HS3ST3A1: variants seen among roughly 807,000 people sequenced by gnomAD.
The protein encoded by HS3ST3A1 is heparan sulfate-glucosamine 3-sulfotransferase 3A1.
In HS3ST3A1, 19 loss-of-function variants were observed where a neutral mutation model predicts 25.7. That is an observed-to-expected ratio of 0.74 (90% CI 0.52 to 1.08). The LOEUF is 1.08. HS3ST3A1 is among the 50% of genes least tolerant of loss of function. HS3ST3A1 has a pLI of 0.00. For missense variants in HS3ST3A1, 459 were observed against 594.3 expected, an observed-to-expected ratio of 0.77 and a Z score of 2.37; for synonymous variants, 226 against 278.6, an observed-to-expected ratio of 0.81 and a Z score of 1.88.
chr17:13,592,817 T>A (rs1343834465), intron 1 of HS3ST3A1, among the ~76,000 whole-genome samples: 1 of 152,160 alleles, frequency 6.6e-6, no homozygotes, highest in Admixed American at 6.5e-5. Flanking sequence ...AACATAACTG[T>A]GTATTTAAAA....
chr17:13,585,018 G>A lies in HS3ST3A1; in HGVS notation c.599+15513C>T, dbSNP rs572258575. Among the ~76,000 whole-genome samples the A allele has an allele frequency of 6.6e-5, 10 of 152,090 alleles. No homozygotes were observed. The South Asian group carries it at 2.1e-3, about 32-fold the overall frequency. ...ACTCACAAGGCAAATAATAAAACCTGTATTCATCCTTTCTGTAGTATTTGA... is the reference window on the plus strand; with the variant it reads ...ACTCACAAGGCAAATAATAAAACCTATATTCATCCTTTCTGTAGTATTTGA... On this transcript the variant is annotated intron_variant, in intron 1 of 1. Transcript: ENST00000284110.
At chr17:13,592,137 C>G (rs1908442719) in intron 1 of HS3ST3A1, among the ~76,000 whole-genome samples, 1 of 152,190 alleles carries the variant, frequency 6.6e-6, no homozygotes, top group Non-Finnish European at 1.5e-5. Flanking sequence ...AGAGACCATT[C>G]ACCCCAGTGG....
intron 1 of HS3ST3A1, among the ~76,000 whole-genome samples, chr17:13,595,428 T>C (rs1908547154): frequency 6.6e-6 from 1 of 152,228 alleles, no homozygotes; most frequent in Non-Finnish European, 1.5e-5. Flanking sequence ...AGTTTATTTA[T>C]TCACTATATA....
At chr17:13,564,928 G>T (rs1907640436) in intron 1 of HS3ST3A1, among the ~76,000 whole-genome samples, 1 of 151,914 alleles carries the variant, frequency 6.6e-6, no homozygotes, top group South Asian at 2.1e-4. Flanking sequence ...TGCCAAGTTG[G>T]CCAGGCTGGT....
intron 1 of HS3ST3A1, among the ~76,000 whole-genome samples, chr17:13,578,322 C>T (rs998081007): frequency 4.8e-5 from 7 of 147,278 alleles, no homozygotes; most frequent in Admixed American, 4.2e-4. Context: ...CCGAGGTGGG[C>T]GGATCACCTG....
intron 1 of HS3ST3A1, among the ~76,000 whole-genome samples, chr17:13,589,277 A>G (rs1908357760): frequency 6.6e-6 from 1 of 152,204 alleles, no homozygotes; most frequent in Non-Finnish European, 1.5e-5. Context: ...GTAACAATCC[A>G]TGGGAGCTGA....
At chr17:13,540,363 T>C (rs1262180376) in intron 1 of HS3ST3A1, among the ~76,000 whole-genome samples, 1 of 152,194 alleles carries the variant, frequency 6.6e-6, no homozygotes, top group Non-Finnish European at 1.5e-5. Context: ...TTAAATATCA[T>C]CATCAAATTT....
chr17:13,535,658 A>AT (rs932592298), intron 1 of HS3ST3A1, among the ~76,000 whole-genome samples: 17 of 117,532 alleles, frequency 1.4e-4, no homozygotes, highest in African/African-American at 6.8e-4. Flanking sequence ...AAATGGATGT[A>AT]TAAAAAAAAA....
intron 1 of HS3ST3A1, among the ~76,000 whole-genome samples, chr17:13,554,375 G>C (rs750937438): frequency 3.3e-5 from 5 of 152,206 alleles, no homozygotes; most frequent in Non-Finnish European, 7.3e-5. Flanking sequence ...AATGAGCAAT[G>C]TATAATGTAT....
intron 1 of HS3ST3A1, among the ~76,000 whole-genome samples, chr17:13,594,710 C>A (rs1413440537): frequency 6.6e-6 from 1 of 151,812 alleles, no homozygotes; most frequent in Non-Finnish European, 1.5e-5. Context: ...GAAGCCAAAT[C>A]TCTTATTTCT....
At chr17:13,587,344 C>G (rs576404214) in intron 1 of HS3ST3A1, among the ~76,000 whole-genome samples, 1 of 152,294 alleles carries the variant, frequency 6.6e-6, no homozygotes, top group South Asian at 2.1e-4. Flanking sequence ...GTCCCAGCTA[C>G]TCGGGAGGCC....
At chr17:13,525,451 G>A (rs576606442) in intron 1 of HS3ST3A1, among the ~76,000 whole-genome samples, 1 of 151,890 alleles carries the variant, frequency 6.6e-6, no homozygotes, top group South Asian at 2.1e-4. Context: ...TAATTGCAGG[G>A]TTTTTGTGTG....
Position 13,505,893 on chromosome 17 carries a change from G to T in HS3ST3A1, c.600-9075C>A, listed in dbSNP as rs569051283. Among the ~76,000 whole-genome samples, 4 of 151,834 alleles carry T rather than the reference G, an allele frequency of 2.6e-5. No homozygotes were observed. The South Asian group carries it at 6.3e-4, about 24-fold the overall frequency. ...ACAAAAATTAGCCGGGTGTGGTGGC[G>T]CGTGCCTGTAATCCCAGTACTCAGG... is the stretch of plus-strand genomic sequence containing the variant. On this transcript the variant is annotated intron_variant, in intron 1 of 1. Coordinates refer to ENST00000284110, the MANE Select transcript of HS3ST3A1 (RefSeq NM_006042.3).
At chr17:13,544,598 T>G (rs1053894040) in intron 1 of HS3ST3A1, among the ~76,000 whole-genome samples, 24 of 152,180 alleles carry the variant, frequency 1.6e-4, no homozygotes, top group Non-Finnish European at 3.4e-4. Context: ...AGAGAAGTGA[T>G]GTCAGGAGGC....
At chr17:13,538,236 T>G (rs1002958362) in intron 1 of HS3ST3A1, among the ~76,000 whole-genome samples, 3 of 152,206 alleles carry the variant, frequency 2.0e-5, no homozygotes, top group African/African-American at 7.2e-5. Flanking sequence ...AAACCCTTTG[T>G]GTTTACAGAT....
chr17:13,600,202 T>C (rs1908681716), intron 1 of HS3ST3A1, among the ~76,000 whole-genome samples: 2 of 148,074 alleles, frequency 1.4e-5, no homozygotes, highest in African/African-American at 5.3e-5. Context: ...AACAGGTTTC[T>C]AATTTAGAAG....
chr17:13,598,379 C>G (rs978418737), intron 1 of HS3ST3A1, among the ~76,000 whole-genome samples: 4 of 151,976 alleles, frequency 2.6e-5, no homozygotes, highest in African/African-American at 9.7e-5. Flanking sequence ...ATAATCCAGG[C>G]TCCATAGGTT....
At chr17:13,568,234 A>G (rs918861784) in intron 1 of HS3ST3A1, among the ~76,000 whole-genome samples, 1 of 152,240 alleles carries the variant, frequency 6.6e-6, no homozygotes, top group Non-Finnish European at 1.5e-5. Flanking sequence ...AAACTAAGGT[A>G]TGTACTTTTT....
At chr17:13,506,380 T>C (rs902698293) in intron 1 of HS3ST3A1, among the ~76,000 whole-genome samples, 2 of 152,200 alleles carry the variant, frequency 1.3e-5, no homozygotes, top group Admixed American at 6.5e-5. Context: ...AGATTCCATG[T>C]AGGCAGTGGG....
Sources: allele counts gnomAD v4.1 joint callset (sites outside exome capture counted in the v4.1 genomes callset), GRCh38; gene constraint gnomAD v4.1.1; transcripts MANE v1.5; gene names NCBI Gene and HGNC (gene_info 2026-07-23, HGNC 2026-07-21).